The following INPP5D variants were observed in gnomAD, a reference collection of about 807,000 sequenced individuals.
INPP5D encodes phosphatidylinositol 3,4,5-trisphosphate 5-phosphatase 1.
Under a neutral mutation model 122.9 loss-of-function variants are expected in INPP5D, and 33 were observed. The ratio of observed to expected loss-of-function variants is 0.27; its 90% CI spans 0.20 to 0.36. The LOEUF (loss-of-function observed/expected upper bound fraction) is 0.36, where lower values mean the gene tolerates loss of function less well. Among genes scored for constraint, INPP5D ranks in the 10% least tolerant of loss-of-function variants. The pLI is 1.00. For missense variants in INPP5D, 1,053 were observed against 1,412.7 expected (o/e 0.75, Z 4.08); for synonymous variants, 584 against 576.2 (o/e 1.01, Z -0.19).
At position 233,082,055 on chromosome 2, in the gene INPP5D, A is replaced by G. The variant is rs1482653249; in HGVS notation, c.198+2657A>G. ...ACAGTGGGCGGGCAGCTTTCAGAGA[A>G]GATGGGCGGCTCTGCTGGACTTCTC... On this transcript the variant is annotated intron_variant, in intron 2 of 26. Transcript: ENST00000445964. This position sits in a 1 kb window ranked among gnomAD's most constrained non-coding sequence, Gnocchi z 4.7. 1.3e-5 allele frequency among the ~76,000 whole-genome samples: 2 copies of G among 152,184 alleles called. No homozygotes were observed. The highest frequency in any genetic ancestry group is 4.8e-5 in the African/African-American group (2 of 41,450).
intron 1 of INPP5D, chr2:233,076,482 T>C (rs981091240): frequency 8.5e-5 from 13 of 152,214 alleles, no homozygotes; most frequent in Non-Finnish European, 1.8e-4. Flanking sequence ...AAATCACCTT[T>C]TCTATGTGAA....
chr2:233,183,400 C>T lies in INPP5D; in HGVS notation c.2161+901C>T, dbSNP rs150788502. On this transcript the variant is annotated intron_variant, in intron 19 of 26. Transcript: ENST00000445964. The surrounding 1 kb of genome is among the most constrained non-coding windows in gnomAD (Gnocchi z 4.6). Reference sequence around the variant, plus strand: ...CTCTTATCTATCCTATTGTATCTAACATCCATGGCCCCAGAAATGTGACCT... The same window carrying T: ...CTCTTATCTATCCTATTGTATCTAATATCCATGGCCCCAGAAATGTGACCT... 1.5e-4 allele frequency among the ~76,000 whole-genome samples: 23 copies of T among 152,330 alleles called. No homozygotes were observed. The highest frequency in any genetic ancestry group is 2.8e-4 in the Non-Finnish European group (19 of 68,028).
At chr2:233,106,823 C>G (rs1692480168) in intron 2 of INPP5D, among the ~76,000 whole-genome samples, 1 of 152,176 alleles carries the variant, frequency 6.6e-6, no homozygotes, top group Non-Finnish European at 1.5e-5. Context: ...TCCAAATACC[C>G]AGAGCACCTG....
chr2:233,204,789 T>TATGCATGTGTGTGTGCACGC, intron 26 of INPP5D, 72 bp downstream of exon 26: 2 of 1,395,150 alleles, frequency 1.4e-6, no homozygotes, highest in Middle Eastern at 2.5e-4. Context: ...TGTGTGTACC[T>TATGCATGTGTGTGTGCACGC]ATGCATATGT....
chr2:233,127,787 T>C (rs1559307478), intron 4 of INPP5D, among the ~76,000 whole-genome samples: 2 of 152,202 alleles, frequency 1.3e-5, no homozygotes, highest in African/African-American at 2.4e-5. Flanking sequence ...TTTGTATTTT[T>C]AGTAGAGACG....
intron 2 of INPP5D, among the ~76,000 whole-genome samples, chr2:233,083,828 T>G (rs535941139): frequency 6.6e-4 from 100 of 152,294 alleles, no homozygotes; most frequent in African/African-American, 2.3e-3. Context: ...AGGGCCACAG[T>G]TGAAGCAAAA....
chr2:233,174,711 G>A (rs1030750927), intron 17 of INPP5D, among the ~76,000 whole-genome samples: 1 of 149,212 alleles, frequency 6.7e-6, no homozygotes, highest in Non-Finnish European at 1.5e-5. Flanking sequence ...AGAATTGTTT[G>A]AATCCGGCAG....
Position 233,170,133 on chromosome 2 carries a change from A to T in INPP5D, c.1760A>T (p.Asp587Val). Reference protein sequence around the residue: ...HRFTHLFWFGDLNYRVDLPTW... With the variant: ...HRFTHLFWFGVLNYRVDLPTW... ...TTCACGCACCTCTTCTGGTTTGGGGATCTTAACTACCGTGTGGATCTGCCT... is the reference window on the plus strand; with the variant it reads ...TTCACGCACCTCTTCTGGTTTGGGGTTCTTAACTACCGTGTGGATCTGCCT... Residue 587 changes from aspartate to valine, a missense_variant, in exon 15 of 27, where the codon GAT becomes GTT. By Grantham distance (152) the Asp-to-Val change is radical (BLOSUM62 -3). Coordinates refer to ENST00000445964, the MANE Select transcript of INPP5D (RefSeq NM_001017915.3). This position sits in a 1 kb window ranked among gnomAD's most constrained non-coding sequence, Gnocchi z 4.5. 6.2e-7 allele frequency: 1 copy of T among 1,613,862 alleles called. No homozygotes were observed. Among genetic ancestry groups the T allele is most frequent in the Non-Finnish European group, 8.5e-7 (1 of 1,179,874 alleles).
Position 233,160,586 on chromosome 2 carries a change from T to C in INPP5D, c.1138-1138T>C, listed in dbSNP as rs1694174291. On this transcript the variant is annotated intron_variant, in intron 10 of 26. Transcript: ENST00000445964. The surrounding 1 kb of genome is among the most constrained non-coding windows in gnomAD (Gnocchi z 4.2). ...TCTGGGACTATGCCCCTTCCAGATG[T>C]TTTTTAATTTTCTCTTTCTTTCTTC... is the stretch of plus-strand genomic sequence containing the variant. 6.6e-6 allele frequency among the ~76,000 whole-genome samples: 1 copy of C among 152,144 alleles called. No individual in the cohort carries two copies. Among genetic ancestry groups the C allele is most frequent in the East Asian group, 1.9e-4 (1 of 5,200 alleles).
In INPP5D at chr2:233,188,153, C is replaced by T. The variant is rs79851246; in HGVS notation, c.2359-1697C>T. Among the ~76,000 whole-genome samples, 602 of 152,110 alleles carry T rather than the reference C, an allele frequency of 4.0e-3. 33 individuals carry two copies. The East Asian group carries it at 0.11, about 27-fold the overall frequency. ...CCTGGAGTCCCCCTCTTTATCCGGT[C>T]GACTCCCTGTTGCCTAGTGAGGCAA... is the stretch of plus-strand genomic sequence containing the variant. On this transcript the variant is annotated intron_variant, in intron 21 of 26. Transcript: ENST00000445964. This position sits in a 1 kb window ranked among gnomAD's most constrained non-coding sequence, Gnocchi z 4.7.
rs926208966 is a variant in INPP5D, at chr2:233,189,752, A to G, written c.2359-98A>G. 1.3e-6 allele frequency: 2 copies of G among 1,529,476 alleles called. No individual in the cohort carries two copies. Among genetic ancestry groups the G allele is most frequent in the Non-Finnish European group, 1.8e-6 (2 of 1,136,088 alleles). 94.7% of individuals were successfully genotyped at this position (1,529,476 alleles called of 1,614,324 possible). ...CAGCAGAGATTTAGATCTGATTACT[A>G]AGAACACCTTTCGTCATCTTCATCC... On this transcript the variant is annotated intron_variant, in intron 21 of 26. Coordinates refer to ENST00000445964, the MANE Select transcript of INPP5D (RefSeq NM_001017915.3). This position sits in a 1 kb window ranked among gnomAD's most constrained non-coding sequence, Gnocchi z 5.6.
chr2:233,179,383 G>C (rs1694727594), intron 18 of INPP5D, among the ~76,000 whole-genome samples: 1 of 152,248 alleles, frequency 6.6e-6, no homozygotes, highest in Non-Finnish European at 1.5e-5. Flanking sequence ...CCATCTGTCT[G>C]CTTCAGCCAG....
chr2:233,193,518 T>C (rs1200448137), intron 22 of INPP5D, among the ~76,000 whole-genome samples: 2 of 152,218 alleles, frequency 1.3e-5, no homozygotes, highest in Non-Finnish European at 2.9e-5. Context: ...TCATGTCTTA[T>C]GCTGCATCAA....
chr2:233,178,358 A>G (rs2106310363), intron 18 of INPP5D, among the ~76,000 whole-genome samples: 1 of 152,344 alleles, frequency 6.6e-6, no homozygotes, highest in East Asian at 1.9e-4. Flanking sequence ...CTTATTCTGA[A>G]AAGCTACTGA....
chr2:233,182,050 C>T (rs1034847426), intron 18 of INPP5D, among the ~76,000 whole-genome samples: 2 of 152,150 alleles, frequency 1.3e-5, no homozygotes, highest in Non-Finnish European at 2.9e-5. Context: ...GAGCCGAGAT[C>T]GCGCCACTGC....
At chr2:233,175,686 G>GTTT (rs35661704) in intron 17 of INPP5D, among the ~76,000 whole-genome samples, 25 of 144,282 alleles carry the variant, frequency 1.7e-4, no homozygotes, top group South Asian at 1.1e-3. Flanking sequence ...AAAAACTTTT[G>GTTT]TTTTTTTTTT....
At chr2:233,068,073 G>T (rs1559271116) in intron 1 of INPP5D, among the ~76,000 whole-genome samples, 2 of 151,946 alleles carry the variant, frequency 1.3e-5, no homozygotes, top group African/African-American at 4.8e-5. Flanking sequence ...ATCACCTGAG[G>T]TCGGGAGTTC....
At chr2:233,121,726 G>T (rs547394968) in intron 2 of INPP5D, among the ~76,000 whole-genome samples, 1 of 150,792 alleles carries the variant, frequency 6.6e-6, no homozygotes. Flanking sequence ...GGGTTTCATC[G>T]TGTTGGCCAG....
chr2:233,204,427 G>A lies in INPP5D; in HGVS notation c.3277G>A (p.Glu1093Lys), dbSNP rs1291861636. 1.2e-6 allele frequency: 2 copies of A among 1,607,586 alleles called. No individual in the cohort carries two copies. The highest frequency in any genetic ancestry group is 1.7e-5 in the Admixed American group (1 of 59,280). Reference sequence around the variant, plus strand: ...CTCCTTCACGTGCTCATCCTCTGCCGAGGGCAGGGCGGCCGGCGGGGACAA... The same window carrying A: ...CTCCTTCACGTGCTCATCCTCTGCCAAGGGCAGGGCGGCCGGCGGGGACAA... ...LRSFTCSSSAEGRAAGGDKSQ... is the reference protein window; with the variant it reads ...LRSFTCSSSAKGRAAGGDKSQ... The change falls in exon 26 of 27, where the codon GAG becomes AAG. Residue 1093 changes from glutamate to lysine, a missense_variant. This residue lies in a region of INPP5D where 417 missense variants were observed against 425.8 expected (regional missense o/e 0.98). Coordinates refer to ENST00000445964, the MANE Select transcript of INPP5D (RefSeq NM_001017915.3).
Sources: allele counts gnomAD v4.1 joint callset (sites outside exome capture counted in the v4.1 genomes callset), GRCh38; gene constraint gnomAD v4.1.1; regional missense constraint gnomAD v4.1.1; non-coding constraint Gnocchi (gnomAD v3.1); transcripts MANE v1.5; gene names NCBI Gene and HGNC (gene_info 2026-07-23, HGNC 2026-07-21).